DGKB: variants seen among roughly 807,000 people sequenced by gnomAD.
DGKB encodes 90 kDa diacylglycerol kinase.
A neutral mutation model predicts 114.3 loss-of-function variants in DGKB; 67 were observed. That is an observed-to-expected ratio of 0.59 (90% CI 0.48 to 0.72). DGKB has a LOEUF of 0.72. DGKB is among the 30% of genes least tolerant of loss of function. The pLI is 0.00. For missense variants in DGKB, 907 were observed against 975.2 expected (o/e 0.93, Z 0.93); for synonymous variants, 398 against 323.1 (o/e 1.23, Z -2.49).
At chr7:14,488,701 A>G (rs1784175732) in intron 20 of DGKB, among the ~76,000 whole-genome samples, 1 of 150,710 alleles carries the variant, frequency 6.6e-6, no homozygotes, top group African/African-American at 2.4e-5. Flanking sequence ...GGTGGCACGC[A>G]CCTGTAGTCC....
chr7:14,866,627 G>A (rs1199336831), intron 1 of DGKB, among the ~76,000 whole-genome samples: 4 of 151,892 alleles, frequency 2.6e-5, no homozygotes, highest in Non-Finnish European at 5.9e-5. Flanking sequence ...TATTTATCTA[G>A]TCACCCTAGA....
At chr7:14,314,824 TAATTG>T (rs1040143194) in intron 23 of DGKB, among the ~76,000 whole-genome samples, 10 of 151,050 alleles carry the variant, frequency 6.6e-5, no homozygotes, top group Non-Finnish European at 1.3e-4. Flanking sequence ...CCAAGACACA[TAATTG>T]TCAGATTCAC....
At chr7:14,251,673 A>C (rs182662577) in intron 23 of DGKB, among the ~76,000 whole-genome samples, 1 of 152,172 alleles carries the variant, frequency 6.6e-6, no homozygotes, top group Admixed American at 6.5e-5. Context: ...CTTTTCTTTT[A>C]AGTTAGGTCT....
intron 23 of DGKB, among the ~76,000 whole-genome samples, chr7:14,261,259 C>T (rs565787046): frequency 1.3e-5 from 2 of 150,056 alleles, no homozygotes; most frequent in South Asian, 4.2e-4. Context: ...AAAAAAAAAG[C>T]CAAACTATAA....
At chr7:14,833,891 G>T (rs1356126461) in intron 2 of DGKB, among the ~76,000 whole-genome samples, 1 of 152,068 alleles carries the variant, frequency 6.6e-6, no homozygotes, top group Non-Finnish European at 1.5e-5. Flanking sequence ...CATATGCGCA[G>T]AGTTAAAATC....
intron 1 of DGKB, among the ~76,000 whole-genome samples, chr7:14,843,527 G>A (rs1373079675): frequency 6.6e-6 from 1 of 150,672 alleles, no homozygotes; most frequent in Non-Finnish European, 1.5e-5. Context: ...GTAGAGACGG[G>A]GTTTCACCTT....
chr7:14,439,939 A>G (rs891758627), intron 21 of DGKB, among the ~76,000 whole-genome samples: 7 of 152,016 alleles, frequency 4.6e-5, no homozygotes, highest in Non-Finnish European at 8.8e-5. Flanking sequence ...TGTCACTACA[A>G]CAGTTACTAC....
At chr7:14,560,603 A>C (rs143431956) in intron 20 of DGKB, among the ~76,000 whole-genome samples, 10 of 152,284 alleles carry the variant, frequency 6.6e-5, no homozygotes, top group Admixed American at 2.6e-4. Context: ...TTATCCATTC[A>C]TCTGTGGTTG....
intron 25 of DGKB, among the ~76,000 whole-genome samples, chr7:14,159,376 A>C (rs10240059): frequency 6.6e-6 from 1 of 152,044 alleles, no homozygotes; most frequent in South Asian, 2.1e-4. Context: ...CTTCTACAAC[A>C]AGATCAAACA....
chr7:14,157,812 T>TATC (rs1250094634), intron 25 of DGKB, among the ~76,000 whole-genome samples: 1 of 152,162 alleles, frequency 6.6e-6, no homozygotes, highest in Non-Finnish European at 1.5e-5. Context: ...TTTCTTAGAG[T>TATC]ATCTCCAAAT....
chr7:14,318,543 C>T (rs1002046988), intron 23 of DGKB, among the ~76,000 whole-genome samples: 3 of 152,272 alleles, frequency 2.0e-5, no homozygotes, highest in South Asian at 2.1e-4. Context: ...AAAATGCTCA[C>T]CATCACTGGC....
intron 23 of DGKB, among the ~76,000 whole-genome samples, chr7:14,253,314 G>A (rs940024752): frequency 3.9e-5 from 6 of 152,122 alleles, no homozygotes; most frequent in South Asian, 2.1e-4. Context: ...TTATAGGCAT[G>A]AGCCACCAAA....
intron 21 of DGKB, among the ~76,000 whole-genome samples, chr7:14,416,606 G>A (rs539484192): frequency 6.6e-6 from 1 of 152,106 alleles, no homozygotes; most frequent in Non-Finnish European, 1.5e-5. Flanking sequence ...TCTCATGGTA[G>A]TAAATAAGTC....
At chr7:14,455,786 A>G (rs1383443495) in intron 21 of DGKB, among the ~76,000 whole-genome samples, 1 of 152,026 alleles carries the variant, frequency 6.6e-6, no homozygotes, top group African/African-American at 2.4e-5. Flanking sequence ...GAAATTTTTA[A>G]GAAGAGGAAA....
intron 17 of DGKB, among the ~76,000 whole-genome samples, chr7:14,584,915 C>T (rs1287137479): frequency 6.6e-6 from 1 of 152,064 alleles, no homozygotes; most frequent in Admixed American, 6.6e-5. Flanking sequence ...TCTCCTTGGC[C>T]TCCCAAAGTG....
rs747650934 is a variant in DGKB at position 14,259,403 on chromosome 7, C to CTA, written c.2122+79111_2122+79112insTA. ...TTTCTCTCTCTCTCTCTCTCTCTCT[C>CTA]TCTCTATATATATATATATATATAT... On this transcript the variant is annotated intron_variant, in intron 23 of 25. Coordinates refer to ENST00000402815, the MANE Select transcript of DGKB (RefSeq NM_001350709.2). 5.7e-4 allele frequency among the ~76,000 whole-genome samples: 63 copies of CTA among 110,390 alleles called. No homozygotes were observed. In the East Asian group the frequency reaches 7.2e-3, roughly 13 times the overall value. 72.4% of individuals were successfully genotyped at this position (110,390 alleles called of 152,430 possible).
At chr7:14,535,274 C>T (rs1053682603) in intron 20 of DGKB, among the ~76,000 whole-genome samples, 1 of 151,236 alleles carries the variant, frequency 6.6e-6, no homozygotes, top group Non-Finnish European at 1.5e-5. Flanking sequence ...GAGGCTGAGG[C>T]AGCAGGATTG....
chr7:14,292,522 T>C (rs1219443956), intron 23 of DGKB, among the ~76,000 whole-genome samples: 1 of 152,234 alleles, frequency 6.6e-6, no homozygotes, highest in Non-Finnish European at 1.5e-5. Context: ...AGGCATATTT[T>C]AGCAGTGTTT....
chr7:14,436,358 C>A (rs920250943), intron 21 of DGKB, among the ~76,000 whole-genome samples: 13 of 152,122 alleles, frequency 8.5e-5, no homozygotes, highest in African/African-American at 2.9e-4. Context: ...TAAATACAGG[C>A]AAATACTAAC....
Sources: allele counts gnomAD v4.1 joint callset (sites outside exome capture counted in the v4.1 genomes callset), GRCh38; gene constraint gnomAD v4.1.1; transcripts MANE v1.5; gene names NCBI Gene and HGNC (gene_info 2026-07-23, HGNC 2026-07-21).